The following DOK5 variants were observed in gnomAD, a reference collection of about 807,000 sequenced individuals.
The protein encoded by DOK5 is downstream of tyrosine kinase 5.
Under a neutral mutation model 43.3 loss-of-function variants are expected in DOK5, and 27 were observed. The ratio of observed to expected loss-of-function variants is 0.62; its 90% CI spans 0.46 to 0.86. The LOEUF (loss-of-function observed/expected upper bound fraction) is 0.86. Among genes scored for constraint, DOK5 ranks in the 40% least tolerant of loss-of-function variants. The pLI, the probability that DOK5 is intolerant of heterozygous loss-of-function variation, is 0.00. For synonymous variants in DOK5, 146 were observed against 140.1 expected (o/e 1.04, Z -0.30); for missense variants, 373 against 392.9 (o/e 0.95, Z 0.43).
chr20:54,630,590 C>A (rs537522958), intron 6 of DOK5, among the ~76,000 whole-genome samples: 2 of 152,076 alleles, frequency 1.3e-5, no homozygotes, highest in African/African-American at 4.8e-5. Flanking sequence ...TATTTAAACC[C>A]GCCTGAATGA....
intron 1 of DOK5, among the ~76,000 whole-genome samples, chr20:54,541,497 G>A (rs1207566462): frequency 6.6e-6 from 1 of 152,092 alleles, no homozygotes; most frequent in Non-Finnish European, 1.5e-5. Flanking sequence ...GTGCAGTGGT[G>A]CAATCTCCGT....
Position 54,517,229 on chromosome 20 carries a change from A to G in DOK5, c.67-37704A>G, listed in dbSNP as rs183517589. Among the ~76,000 whole-genome samples, 579 of 152,288 alleles carry G rather than the reference A, an allele frequency of 3.8e-3. 1 individual carries two copies. The highest frequency in any genetic ancestry group is 5.2e-3 in the Non-Finnish European group (355 of 68,026). Reference sequence around the variant, plus strand: ...GCCAAGATTTATCAGCAATTGGTTAACCTATTTGGGTTAGCTTAGCTTCAT... The same window carrying G: ...GCCAAGATTTATCAGCAATTGGTTAGCCTATTTGGGTTAGCTTAGCTTCAT... On this transcript the variant is annotated intron_variant, in intron 1 of 7. Coordinates refer to ENST00000262593, the MANE Select transcript of DOK5 (RefSeq NM_018431.5).
intron 2 of DOK5, among the ~76,000 whole-genome samples, chr20:54,579,933 C>T (rs778226054): frequency 6.6e-6 from 1 of 152,074 alleles, no homozygotes; most frequent in Non-Finnish European, 1.5e-5. Flanking sequence ...CTCCCCTAGC[C>T]CTCCATCCCC....
chr20:54,479,622 G>A (rs756253775), intron 1 of DOK5, among the ~76,000 whole-genome samples: 1 of 152,118 alleles, frequency 6.6e-6, no homozygotes, highest in Admixed American at 6.5e-5. Flanking sequence ...ACGGAAACTC[G>A]GGTTTATTTA....
intron 1 of DOK5, among the ~76,000 whole-genome samples, chr20:54,489,733 G>A (rs1193370077): frequency 2.0e-5 from 3 of 152,112 alleles, no homozygotes; most frequent in African/African-American, 4.8e-5. Flanking sequence ...CGAATCCAAC[G>A]TCTATCTCTT....
At chr20:54,500,032 T>C (rs1186403419) in intron 1 of DOK5, among the ~76,000 whole-genome samples, 1 of 152,234 alleles carries the variant, frequency 6.6e-6, no homozygotes, top group African/African-American at 2.4e-5. Context: ...GAAGATTGTC[T>C]CTTTTAGATA....
chr20:54,562,485 C>G (rs1191875985), intron 2 of DOK5, among the ~76,000 whole-genome samples: 1 of 152,164 alleles, frequency 6.6e-6, no homozygotes, highest in African/African-American at 2.4e-5. Context: ...GTGGTGCTAT[C>G]TTGGCTCATT....
chr20:54,575,376 A>T (rs977671131), intron 2 of DOK5, among the ~76,000 whole-genome samples: 1 of 152,202 alleles, frequency 6.6e-6, no homozygotes, highest in Non-Finnish European at 1.5e-5. Context: ...AGTTAAGTAT[A>T]TGAGGAACTA....
At chr20:54,607,921 CAAAACAA>C (rs1212914543) in intron 5 of DOK5, among the ~76,000 whole-genome samples, 1 of 143,030 alleles carries the variant, frequency 7.0e-6, no homozygotes, top group Non-Finnish European at 1.5e-5. Context: ...CAAAACAAAA[CAAAACAA>C]AGTGGGCATT....
chr20:54,637,811 G>A (rs555673220), intron 6 of DOK5, among the ~76,000 whole-genome samples: 15 of 152,334 alleles, frequency 9.8e-5, no homozygotes, highest in Admixed American at 2.0e-4. Context: ...CTGGGAATAG[G>A]ATACAGAGAT....
Position 54,610,463 on chromosome 20 carries a change from T to A in DOK5, c.675T>A (p.Ser225=). Residue 225 remains serine (S), a synonymous_variant, in exon 6 of 8, where the codon TCT becomes TCA. Transcript: ENST00000262593. ...AGGCCATCTATCAGAAAGTCCACTC[T>A]GCTGCCTTGGCCATAGCCGAGCAGC... ...DGEAIYQKVH[S]AALAIAEQHE... 1 of 1,592,380 alleles carries A rather than the reference T, an allele frequency of 6.3e-7. No individual in the cohort carries two copies. Among genetic ancestry groups the A allele is most frequent in the African/African-American group, 1.3e-5 (1 of 74,242 alleles).
intron 2 of DOK5, among the ~76,000 whole-genome samples, chr20:54,558,039 G>C (rs1295712066): frequency 6.6e-6 from 1 of 152,204 alleles, no homozygotes; most frequent in Non-Finnish European, 1.5e-5. Context: ...AATGTTATCA[G>C]TAGAGGAAAT....
At chr20:54,500,909 A>G (rs908394335) in intron 1 of DOK5, among the ~76,000 whole-genome samples, 6 of 152,078 alleles carry the variant, frequency 3.9e-5, no homozygotes, top group African/African-American at 1.4e-4. Flanking sequence ...ACTTCCCCAA[A>G]TCATCATTTT....
chr20:54,527,540 G>A (rs942269052), intron 1 of DOK5, among the ~76,000 whole-genome samples: 16 of 152,182 alleles, frequency 1.1e-4, no homozygotes, highest in Admixed American at 3.9e-4. Context: ...TATGAGGGAG[G>A]TCAACCCCAG....
chr20:54,483,924 GGTT>G (rs1568747916), intron 1 of DOK5, among the ~76,000 whole-genome samples: 1 of 152,144 alleles, frequency 6.6e-6, no homozygotes, highest in African/African-American at 2.4e-5. Flanking sequence ...ATTGTTAACT[GGTT>G]GTCTTGTGTT....
At chr20:54,579,416 T>C (rs1985560648) in intron 2 of DOK5, among the ~76,000 whole-genome samples, 1 of 151,882 alleles carries the variant, frequency 6.6e-6, no homozygotes, top group Admixed American at 6.6e-5. Context: ...ACACATAACA[T>C]AAGACTTACC....
At chr20:54,518,889 C>T (rs938188315) in intron 1 of DOK5, among the ~76,000 whole-genome samples, 1 of 152,098 alleles carries the variant, frequency 6.6e-6, no homozygotes, top group Non-Finnish European at 1.5e-5. Context: ...AACAAGTGGG[C>T]GAAGGTTATG....
rs186535514 is a variant in DOK5 at position 54,547,563 on chromosome 20, A to G, written c.67-7370A>G. ...CAGAATATTCTTTGCTAGGAAAAGA[A>G]GCCAATAAAAAATGTTAGAGATTTT... On this transcript the variant is annotated intron_variant, in intron 1 of 7. Transcript: ENST00000262593. Among the ~76,000 whole-genome samples the G allele has an allele frequency of 2.6e-5, 4 of 152,354 alleles. No homozygotes were observed. The East Asian group carries it at 5.8e-4, about 22-fold the overall frequency.
intron 6 of DOK5, among the ~76,000 whole-genome samples, chr20:54,628,302 T>G (rs6098124): frequency 0.41 from 61,104 of 149,300 alleles, 14,476 homozygotes; most frequent in African/African-American, 0.64. Context: ...CCAGCTACTC[T>G]GGAGGCTGAG....
Sources: allele counts gnomAD v4.1 joint callset (sites outside exome capture counted in the v4.1 genomes callset), GRCh38; gene constraint gnomAD v4.1.1; transcripts MANE v1.5; gene names NCBI Gene and HGNC (gene_info 2026-07-23, HGNC 2026-07-21).